The following ADGRB1 variants were observed in gnomAD, a reference collection of about 807,000 sequenced individuals.
ADGRB1 encodes brain-specific angiogenesis inhibitor 1.
ADGRB1 carries 36 observed loss-of-function variants against 175.7 expected under a neutral mutation model. The observed-to-expected ratio is 0.20, with a 90% confidence interval of 0.16 to 0.27. The LOEUF (loss-of-function observed/expected upper bound fraction) is 0.27. Among genes scored for constraint, ADGRB1 ranks in the 10% least tolerant of loss-of-function variants. The pLI, the probability that ADGRB1 is intolerant of heterozygous loss-of-function variation, is 1.00. For synonymous variants in ADGRB1, 1,054 were observed against 979.4 expected (o/e 1.08, Z -1.42); for missense variants, 1,731 against 2,255.3 (o/e 0.77, Z 4.71).
rs551101544 is a variant in ADGRB1 at position 142,510,505 on chromosome 8, C to A, written c.2676-427C>A. Among the ~76,000 whole-genome samples, 174 of 151,074 alleles carry A rather than the reference C, an allele frequency of 1.2e-3. No individual in the cohort carries two copies. The highest frequency in any genetic ancestry group is 2.2e-3 in the Non-Finnish European group (150 of 67,628). On this transcript the variant is annotated intron_variant, in intron 17 of 30. Transcript: ENST00000517894. This position sits in a 1 kb window ranked among gnomAD's most constrained non-coding sequence, Gnocchi z 6.3. ...CCCCCAGGCCACACCCGGCTCGCAC[C>A]CTCCCCGCTCCACGTGCGCCCACGC...
chr8:142,544,384 C>A lies in ADGRB1; in HGVS notation c.4722C>A (p.Gly1574=). 6.6e-7 allele frequency: 1 copy of A among 1,522,972 alleles called. No homozygotes were observed. Among genetic ancestry groups the A allele is most frequent in the Non-Finnish European group, 8.8e-7 (1 of 1,132,978 alleles). 94.3% of individuals were successfully genotyped at this position (1,522,972 alleles called of 1,614,324 possible). A position where few individuals can be genotyped will look rare whatever the true frequency, so the allele number is the denominator to read the frequency against. ...ERSGATIPLV[G]QDIIDLQTEV is the part of the protein sequence containing the mutation. ...CGGGCGCCACGATCCCGCTGGTGGGCCAGGACATCATCGACCTCCAGACCG... is the reference window on the plus strand; with the variant it reads ...CGGGCGCCACGATCCCGCTGGTGGGACAGGACATCATCGACCTCCAGACCG... Residue 1574 remains glycine (G), a synonymous_variant, in exon 31 of 31, where the codon GGC becomes GGA. Coordinates refer to ENST00000517894, the MANE Select transcript of ADGRB1 (RefSeq NM_001702.3).
At chr8:142,450,768 C>A (rs903507859) in intron 1 of ADGRB1, among the ~76,000 whole-genome samples, 3 of 152,148 alleles carry the variant, frequency 2.0e-5, no homozygotes, top group African/African-American at 4.8e-5. Context: ...GAGGTACTCT[C>A]CCCCACTTCG....
intron 16 of ADGRB1, among the ~76,000 whole-genome samples, chr8:142,490,262 C>T (rs6992321): frequency 2.4e-4 from 37 of 152,352 alleles, no homozygotes; most frequent in African/African-American, 8.7e-4. Context: ...GAGCAGGCCA[C>T]ACCTGAGAGC....
rs146148312 is a variant in ADGRB1, at chr8:142,451,182, G to T, written c.-220+1078G>T. On this transcript the variant is annotated intron_variant, in intron 1 of 30. Coordinates refer to ENST00000517894, the MANE Select transcript of ADGRB1 (RefSeq NM_001702.3). ...GGGCGGCGGAGCTGAGAATCACCGC[G>T]AAGCGATGCGACCGGGAGGGCTTGA... is the stretch of plus-strand genomic sequence containing the variant. Among the ~76,000 whole-genome samples, 763 of 152,250 alleles carry T rather than the reference G, an allele frequency of 5.0e-3. 9 individuals carry two copies. Among genetic ancestry groups the T allele is most frequent in the African/African-American group, 0.017 (705 of 41,554 alleles).
chr8:142,503,631 GT>G (rs1221928576), intron 17 of ADGRB1, among the ~76,000 whole-genome samples: 1 of 152,118 alleles, frequency 6.6e-6, no homozygotes, highest in Non-Finnish European at 1.5e-5. Flanking sequence ...GGGGCAGCAG[GT>G]GCGGGTCTGC....
At chr8:142,519,683 G>A (rs1843654813) in intron 19 of ADGRB1, among the ~76,000 whole-genome samples, 3 of 133,442 alleles carry the variant, frequency 2.2e-5, no homozygotes, top group South Asian at 5.6e-4. Flanking sequence ...TGGTGATGGT[G>A]GTAGTGGTGG....
intron 19 of ADGRB1, among the ~76,000 whole-genome samples, chr8:142,519,917 GA>G (rs1480364679): frequency 1.3e-5 from 2 of 150,922 alleles, no homozygotes; most frequent in African/African-American, 4.9e-5. Flanking sequence ...TGGTGCTGGT[GA>G]TTGTGGTGGT....
intron 24 of ADGRB1, 85 bp from the exon 25 acceptor site, chr8:142,533,210 C>T: frequency 7.3e-6 from 10 of 1,363,752 alleles, no homozygotes; most frequent in Non-Finnish European, 9.7e-6. Flanking sequence ...TGGGTCCCCA[C>T]CGAGGCCTGG....
At position 142,544,586 on chromosome 8, in the gene ADGRB1, G is replaced by A. The variant is rs1845479394; in HGVS notation, c.*169G>A. 2 of 788,168 alleles carry A rather than the reference G, an allele frequency of 2.5e-6. No individual in the cohort carries two copies. Among genetic ancestry groups the A allele is most frequent in the Non-Finnish European group, 3.6e-6 (2 of 556,796 alleles). 48.8% of individuals were successfully genotyped at this position (788,168 alleles called of 1,614,324 possible). A position where few individuals can be genotyped will look rare whatever the true frequency, so the allele number is the denominator to read the frequency against. On this transcript the variant is annotated 3_prime_UTR_variant, in exon 31 of 31. Transcript: ENST00000517894. Reference sequence around the variant, plus strand: ...CAGGGCCCGCAGTGCTGGGACCAGAGCCAGATGCAGGACAGGAGGCGGCCC... The same window carrying A: ...CAGGGCCCGCAGTGCTGGGACCAGAACCAGATGCAGGACAGGAGGCGGCCC...
chr8:142,493,901 T>A lies in ADGRB1; in HGVS notation c.2675+3086T>A, dbSNP rs1036367378. ...GGGCCACTCCTCGCCCTGTGAACTG[T>A]CTCCGGGGAGCTGAGTTTCCCAGTT... On this transcript the variant is annotated intron_variant, in intron 17 of 30. Coordinates refer to ENST00000517894, the MANE Select transcript of ADGRB1 (RefSeq NM_001702.3). This position sits in a 1 kb window ranked among gnomAD's most constrained non-coding sequence, Gnocchi z 5.0. Among the ~76,000 whole-genome samples, 1 of 152,172 alleles carries A rather than the reference T, an allele frequency of 6.6e-6. No homozygotes were observed. Among genetic ancestry groups the A allele is most frequent in the South Asian group, 2.1e-4 (1 of 4,834 alleles).
intron 27 of ADGRB1, among the ~76,000 whole-genome samples, chr8:142,540,817 G>C (rs1308946145): frequency 6.6e-6 from 1 of 152,042 alleles, no homozygotes; most frequent in East Asian, 1.9e-4. Flanking sequence ...GGGTAGGGAC[G>C]AGGGAAGGGG....
intron 1 of ADGRB1, among the ~76,000 whole-genome samples, chr8:142,463,169 T>C (rs1375252850): frequency 6.6e-6 from 1 of 152,192 alleles, no homozygotes; most frequent in Admixed American, 6.5e-5. Flanking sequence ...AGGTGGCTCC[T>C]GGTGGCTCCA....
chr8:142,509,415 G>A (rs1165696040), intron 17 of ADGRB1, among the ~76,000 whole-genome samples: 1 of 152,228 alleles, frequency 6.6e-6, no homozygotes, highest in African/African-American at 2.4e-5. Context: ...TCTGATCAGA[G>A]GCGGCTTTTC....
At chr8:142,508,083 C>T (rs1842927660) in intron 17 of ADGRB1, among the ~76,000 whole-genome samples, 1 of 152,158 alleles carries the variant, frequency 6.6e-6, no homozygotes, top group African/African-American at 2.4e-5. Context: ...TGCCCCCTCC[C>T]ACCCGGGGCC....
rs1347563321 is a variant in ADGRB1, at chr8:142,455,457, C to A, written c.-220+5353C>A. Among the ~76,000 whole-genome samples the A allele has an allele frequency of 1.3e-5, 2 of 152,196 alleles. No individual in the cohort carries two copies. The highest frequency in any genetic ancestry group is 2.9e-5 in the Non-Finnish European group (2 of 68,044). ...GAAGTCCTCTCTGCAGCTTCGCTGTCAGGCCCCCAACCACTTGCCTTCCTG... is the reference window on the plus strand; with the variant it reads ...GAAGTCCTCTCTGCAGCTTCGCTGTAAGGCCCCCAACCACTTGCCTTCCTG... On this transcript the variant is annotated intron_variant, in intron 1 of 30. Coordinates refer to ENST00000517894, the MANE Select transcript of ADGRB1 (RefSeq NM_001702.3). The surrounding 1 kb of genome is among the most constrained non-coding windows in gnomAD (Gnocchi z 4.9).
In ADGRB1 at chr8:142,537,257, T is replaced by C. The variant is rs549314699; in HGVS notation, c.3666+175T>C. Among the ~76,000 whole-genome samples, 4 of 152,114 alleles carry C rather than the reference T, an allele frequency of 2.6e-5. No individual in the cohort carries two copies. The highest frequency in any genetic ancestry group is 2.6e-4 in the Admixed American group (4 of 15,286). ...GAGGCTCGCCAAGTGGAACCCCTGG[T>C]CCGGGGTTTCCAGCTGGGAAGGCCT... On this transcript the variant is annotated intron_variant, in intron 26 of 30. Transcript: ENST00000517894. The surrounding 1 kb of genome is among the most constrained non-coding windows in gnomAD (Gnocchi z 4.6).
At chr8:142,530,185 G>A (rs1044711906) in intron 24 of ADGRB1, among the ~76,000 whole-genome samples, 4 of 152,122 alleles carry the variant, frequency 2.6e-5, no homozygotes, top group Non-Finnish European at 5.9e-5. Flanking sequence ...ATGAGCGTGT[G>A]AGCATTGTGT....
At chr8:142,539,315 C>T (rs983985882) in intron 26 of ADGRB1, 59 bp from the exon 27 acceptor site, 4 of 1,536,396 alleles carry the variant, frequency 2.6e-6, no homozygotes, top group East Asian at 2.4e-5. Flanking sequence ...TCTGTGCACG[C>T]GTGCACACAC....
intron 11 of ADGRB1, among the ~76,000 whole-genome samples, chr8:142,483,126 T>C (rs1230357711): frequency 8.5e-6 from 1 of 118,156 alleles, no homozygotes; most frequent in Non-Finnish European, 1.8e-5. Flanking sequence ...AACCCTGACC[T>C]TGGTCACATG....
Sources: gnomAD v4.1 joint callset for allele counts (sites outside exome capture counted in the v4.1 genomes callset) on GRCh38, gnomAD v4.1.1 for gene constraint, Gnocchi (gnomAD v3.1) non-coding constraint, MANE v1.5 for transcripts, NCBI Gene and HGNC (gene_info 2026-07-23, HGNC 2026-07-21) for gene names.